GRB2: variants seen among roughly 807,000 people sequenced by gnomAD.
GRB2 encodes growth factor receptor-bound protein 2.
In GRB2, 2 loss-of-function variants were observed where a neutral mutation model predicts 27.4. The observed-to-expected ratio is 0.07, with a 90% CI of 0.03 to 0.23. The LOEUF is 0.23. GRB2 is among the 10% of genes least tolerant of loss of function. The pLI is 1.00. For missense variants in GRB2, 102 were observed against 282.4 expected, an observed-to-expected ratio of 0.36 and a Z score of 4.58; for synonymous variants, 94 against 99.6, an observed-to-expected ratio of 0.94 and a Z score of 0.33.
intron 2 of GRB2, among the ~76,000 whole-genome samples, chr17:75,343,443 T>C (rs2078635164): frequency 6.6e-6 from 1 of 152,306 alleles, no homozygotes. Context: ...CTTTATAATG[T>C]TCATACATGT....
intron 2 of GRB2, chr17:75,372,018 AAC>A (rs2078859941): frequency 1.3e-5 from 2 of 152,232 alleles, no homozygotes; most frequent in Admixed American, 1.3e-4. Flanking sequence ...CTGAAAAGAA[AAC>A]ACAATAATTA....
intron 2 of GRB2, among the ~76,000 whole-genome samples, chr17:75,357,968 C>G (rs896566863): frequency 6.6e-6 from 1 of 151,956 alleles, no homozygotes; most frequent in Non-Finnish European, 1.5e-5. Context: ...CGTGGTGGCG[C>G]GTGCCTGTAG....
intron 4 of GRB2, among the ~76,000 whole-genome samples, chr17:75,323,298 GA>G (rs576818741): frequency 3.6e-4 from 54 of 152,094 alleles, no homozygotes; most frequent in African/African-American, 1.3e-3. Context: ...CTCGCATTTG[GA>G]AAAAATACTG....
chr17:75,403,768 A>C (rs1323055255), intron 1 of GRB2, among the ~76,000 whole-genome samples: 1 of 152,016 alleles, frequency 6.6e-6, no homozygotes, highest in East Asian at 1.9e-4. Context: ...CGTCTCAAAA[A>C]AATAAAATAA....
At chr17:75,348,981 A>G (rs2078671704) in intron 2 of GRB2, among the ~76,000 whole-genome samples, 1 of 152,212 alleles carries the variant, frequency 6.6e-6, no homozygotes, top group African/African-American at 2.4e-5. Flanking sequence ...CAACCCAGCA[A>G]CATGTTTCTA....
In GRB2 at chr17:75,320,490, G is replaced by A; in HGVS notation, c.532C>T (p.Arg178Cys). ...ATGACATGGATAAAATCTCCCCGGC[G>A]GAAGCCCAGCTCTCCATCCTCCTGG... ...DPQEDGELGFRRGDFIHVMDN... is the reference protein window; with the variant it reads ...DPQEDGELGFCRGDFIHVMDN... Residue 178 changes from arginine to cysteine, a missense_variant, in exon 6 of 6, where the codon CGC becomes TGC. By Grantham distance (180) the Arg-to-Cys change is radical. Transcript: ENST00000316804. This position sits in a 1 kb window ranked among gnomAD's most constrained non-coding sequence, Gnocchi z 4.3. 1.9e-6 allele frequency: 3 copies of A among 1,613,936 alleles called. No homozygotes were observed. The highest frequency in any genetic ancestry group is 2.5e-6 in the Non-Finnish European group (3 of 1,179,880).
intron 1 of GRB2, among the ~76,000 whole-genome samples, chr17:75,399,682 A>ATTTAT (rs1567878490): frequency 1.4e-5 from 2 of 146,958 alleles, no homozygotes; most frequent in Non-Finnish European, 3.0e-5. Context: ...TTATTTATTT[A>ATTTAT]TTTTTTTGAG....
intron 1 of GRB2, among the ~76,000 whole-genome samples, chr17:75,404,551 G>T (rs1225010098): frequency 2.7e-5 from 4 of 150,766 alleles, no homozygotes; most frequent in African/African-American, 9.8e-5. Context: ...AAAGGGGGGG[G>T]TGGGGGGAGG....
chr17:75,370,138 T>C (rs1410359461), intron 2 of GRB2, among the ~76,000 whole-genome samples: 1 of 152,210 alleles, frequency 6.6e-6, no homozygotes, highest in Non-Finnish European at 1.5e-5. Flanking sequence ...GGATATCATA[T>C]GGTTAGCTGT....
intron 4 of GRB2, among the ~76,000 whole-genome samples, chr17:75,323,879 G>A (rs1210639207): frequency 6.6e-6 from 1 of 151,450 alleles, no homozygotes. Context: ...GCTCAGTCTC[G>A]GCTCACTGCA....
At chr17:75,326,460 A>G (rs1052409759) in intron 3 of GRB2, 1 of 165,836 alleles carries the variant, frequency 6.0e-6, no homozygotes, top group Non-Finnish European at 1.3e-5. Context: ...GGACTAAGGG[A>G]AAGTGGGGAG....
At chr17:75,404,798 T>C (rs2079088041) in intron 1 of GRB2, 1 of 152,170 alleles carries the variant, frequency 6.6e-6, no homozygotes, top group Middle Eastern at 3.2e-3. Context: ...GAAGCCAGCC[T>C]TGAAAAACTT....
chr17:75,331,004 C>G (rs2078537459), intron 3 of GRB2, among the ~76,000 whole-genome samples: 1 of 150,350 alleles, frequency 6.7e-6, no homozygotes, highest in African/African-American at 2.5e-5. Context: ...TGCTCCCCAC[C>G]CCCACAAACA....
chr17:75,349,332 T>G (rs2145838732), intron 2 of GRB2, among the ~76,000 whole-genome samples: 1 of 152,270 alleles, frequency 6.6e-6, no homozygotes, highest in South Asian at 2.1e-4. Flanking sequence ...GTAACCATGC[T>G]GGCCATGTTA....
chr17:75,362,232 A>C (rs2145848611), intron 2 of GRB2, among the ~76,000 whole-genome samples: 1 of 152,294 alleles, frequency 6.6e-6, no homozygotes, highest in Non-Finnish European at 1.5e-5. Flanking sequence ...TCTTTTTATT[A>C]ATCATCATCA....
In GRB2 at chr17:75,367,168, G is replaced by A. The variant is rs569471073; in HGVS notation, c.78+26383C>T. On this transcript the variant is annotated intron_variant, in intron 2 of 5. Coordinates refer to ENST00000316804, the MANE Select transcript of GRB2 (RefSeq NM_002086.5). ...CACAAAGGTTATAATCAGACCCACTGCTCTTTTTTTCCCCCTATTCAGGAC... is the reference window on the plus strand; with the variant it reads ...CACAAAGGTTATAATCAGACCCACTACTCTTTTTTTCCCCCTATTCAGGAC... Among the ~76,000 whole-genome samples the A allele has an allele frequency of 3.2e-4, 48 of 152,092 alleles. 1 individual carries two copies. In the South Asian group the frequency reaches 0.01, roughly 32 times the overall value.
chr17:75,393,128 C>G (rs1434290570), intron 2 of GRB2, among the ~76,000 whole-genome samples: 1 of 152,166 alleles, frequency 6.6e-6, no homozygotes, highest in Non-Finnish European at 1.5e-5. Flanking sequence ...AAATCATATT[C>G]CAGAACGCAA....
intron 2 of GRB2, among the ~76,000 whole-genome samples, chr17:75,368,720 T>C (rs979896939): frequency 3.3e-5 from 5 of 151,946 alleles, no homozygotes; most frequent in Admixed American, 3.3e-4. Context: ...CATTTTTTTA[T>C]TTTTATTTTG....
At chr17:75,355,437 T>A (rs553766714) in intron 2 of GRB2, among the ~76,000 whole-genome samples, 3 of 151,910 alleles carry the variant, frequency 2.0e-5, no homozygotes, top group Non-Finnish European at 4.4e-5. Context: ...CATCTTGTTA[T>A]AAAAGCTTTC....
Sources: allele counts gnomAD v4.1 joint callset (sites outside exome capture counted in the v4.1 genomes callset), GRCh38; gene constraint gnomAD v4.1.1; non-coding constraint Gnocchi (gnomAD v3.1); transcripts MANE v1.5; gene names NCBI Gene and HGNC (gene_info 2026-07-23, HGNC 2026-07-21).